Variants in TRAPPC9 observed in about 807,000 individuals in gnomAD.
The protein encoded by TRAPPC9 is IKK2 binding protein.
TRAPPC9 carries 83 observed loss-of-function variants against 124.0 expected under a neutral mutation model. The observed-to-expected ratio is 0.67, with a 90% CI of 0.56 to 0.80. The LOEUF is 0.80. Ranked by LOEUF, TRAPPC9 falls within the 30% of genes least tolerant of loss-of-function variation. TRAPPC9 has a pLI of 0.00. For missense variants in TRAPPC9, 1,302 were observed against 1,508.3 expected (o/e 0.86, Z 2.27); for synonymous variants, 638 against 617.5 (o/e 1.03, Z -0.49).
intron 14 of TRAPPC9, among the ~76,000 whole-genome samples, chr8:140,281,548 T>C (rs890974990): frequency 1.3e-5 from 2 of 152,246 alleles, no homozygotes; most frequent in African/African-American, 4.8e-5. Flanking sequence ...TCTTCCAGTC[T>C]GTAACTTTCA....
At position 139,862,849 on chromosome 8, in the gene TRAPPC9, C is replaced by T. The variant is rs562184974; in HGVS notation, c.3055+23030G>A. The stretch of plus-strand genomic sequence containing the variant: ...AGGGCACTGCATTCCCCCTGGGTGC[C>T]GTGTCCTTCCCACAGCCTAGGTCAT... On this transcript the variant is annotated intron_variant, in intron 21 of 22. Transcript: ENST00000438773. Among the ~76,000 whole-genome samples, 3 of 152,334 alleles carry T rather than the reference C, an allele frequency of 2.0e-5. No individual in the cohort carries two copies. The East Asian group carries it at 5.8e-4, about 29-fold the overall frequency.
At chr8:140,239,447 G>A (rs1175480421) in intron 16 of TRAPPC9, among the ~76,000 whole-genome samples, 1 of 152,190 alleles carries the variant, frequency 6.6e-6, no homozygotes, top group Non-Finnish European at 1.5e-5. Flanking sequence ...AAGAGTATTG[G>A]GGGAGGATGC....
chr8:140,265,883 C>T (rs2064634963), intron 15 of TRAPPC9, among the ~76,000 whole-genome samples: 1 of 152,112 alleles, frequency 6.6e-6, no homozygotes, highest in African/African-American at 2.4e-5. Context: ...GAGAATCTCG[C>T]CTCAAAACAT....
intron 5 of TRAPPC9, among the ~76,000 whole-genome samples, chr8:140,411,277 A>G (rs1183679287): frequency 6.6e-6 from 1 of 152,270 alleles, no homozygotes; most frequent in Admixed American, 6.5e-5. Flanking sequence ...AAAAGAAACT[A>G]AAACTCCTTA....
intron 17 of TRAPPC9, among the ~76,000 whole-genome samples, chr8:140,189,826 A>T (rs1003566471): frequency 6.6e-6 from 1 of 152,028 alleles, no homozygotes. Flanking sequence ...AGCTCTCTCT[A>T]TGGTCTTATC....
chr8:140,434,661 G>C (rs2070749661), intron 4 of TRAPPC9, among the ~76,000 whole-genome samples: 2 of 152,134 alleles, frequency 1.3e-5, no homozygotes, highest in Admixed American at 1.3e-4. Context: ...AATAAAATCA[G>C]AACAAAATGT....
chr8:139,796,220 C>T (rs191615254), intron 21 of TRAPPC9, among the ~76,000 whole-genome samples: 111 of 152,222 alleles, frequency 7.3e-4, no homozygotes, highest in African/African-American at 2.4e-3. Flanking sequence ...GGCTTCCCTT[C>T]GGCGCTGTTC....
intron 16 of TRAPPC9, among the ~76,000 whole-genome samples, chr8:140,249,597 C>CTTTTTTTTTTTTTTTTTTT (rs35511380): frequency 1.2e-5 from 1 of 81,962 alleles, no homozygotes; most frequent in Non-Finnish European, 2.1e-5. Context: ...ATCTTTCACT[C>CTTTTTTTTTTTTTTTTTTT]TTTTTTTTTT....
intron 17 of TRAPPC9, among the ~76,000 whole-genome samples, chr8:140,175,851 A>G (rs1373785617): frequency 6.6e-6 from 1 of 152,254 alleles, no homozygotes; most frequent in African/African-American, 2.4e-5. Context: ...AATGCAAAAC[A>G]TCTACAACTA....
chr8:139,739,185 G>T (rs1212988677), intron 21 of TRAPPC9, among the ~76,000 whole-genome samples: 1 of 151,934 alleles, frequency 6.6e-6, no homozygotes, highest in Admixed American at 6.6e-5. Context: ...CCAGTAGAGT[G>T]GCTCCACCAC....
chr8:140,198,941 T>G (rs2062724042), intron 17 of TRAPPC9, among the ~76,000 whole-genome samples: 1 of 151,966 alleles, frequency 6.6e-6, no homozygotes, highest in South Asian at 2.1e-4. Context: ...GACACCACAG[T>G]GAGACGGAAA....
chr8:139,987,496 T>C (rs184289844), intron 19 of TRAPPC9, among the ~76,000 whole-genome samples: 89 of 152,110 alleles, frequency 5.9e-4, no homozygotes, highest in African/African-American at 2.0e-3. Flanking sequence ...ATAATGTTAA[T>C]GTTGCTATTT....
intron 17 of TRAPPC9, among the ~76,000 whole-genome samples, chr8:140,033,708 G>A (rs1210107633): frequency 1.2e-5 from 1 of 86,322 alleles, no homozygotes; most frequent in Non-Finnish European, 2.2e-5. Context: ...TTGAGACAGA[G>A]TCTCGCTCTG....
At chr8:139,749,412 A>G (rs1819165380) in intron 21 of TRAPPC9, among the ~76,000 whole-genome samples, 1 of 152,216 alleles carries the variant, frequency 6.6e-6, no homozygotes, top group African/African-American at 2.4e-5. Context: ...TCTGAGCCTC[A>G]GCGTCCCCAT....
At chr8:139,947,916 A>AGAGAGC (rs1428973168) in intron 19 of TRAPPC9, among the ~76,000 whole-genome samples, 1 of 39,912 alleles carries the variant, frequency 2.5e-5, no homozygotes, top group African/African-American at 9.9e-5. Flanking sequence ...ATAGAGAGAG[A>AGAGAGC]GAGAGAGCGA....
intron 17 of TRAPPC9, among the ~76,000 whole-genome samples, chr8:140,210,013 G>T (rs1563848207): frequency 6.6e-6 from 1 of 152,238 alleles, no homozygotes. Context: ...CCACTTGAAT[G>T]ATGGGAAGTT....
intron 3 of TRAPPC9, among the ~76,000 whole-genome samples, chr8:140,438,240 T>C (rs1008339383): frequency 9.9e-5 from 15 of 152,190 alleles, no homozygotes; most frequent in Non-Finnish European, 1.3e-4. Context: ...CCACTTCATA[T>C]ATATAGAATC....
intron 17 of TRAPPC9, among the ~76,000 whole-genome samples, chr8:140,062,067 A>G (rs1417539508): frequency 6.6e-6 from 1 of 152,182 alleles, no homozygotes; most frequent in Non-Finnish European, 1.5e-5. Context: ...GCCTCCCTGC[A>G]GTTCACCCTT....
At chr8:139,807,371 A>G (rs1480866148) in intron 21 of TRAPPC9, among the ~76,000 whole-genome samples, 1 of 152,192 alleles carries the variant, frequency 6.6e-6, no homozygotes, top group Non-Finnish European at 1.5e-5. Context: ...CAAAGCGGAC[A>G]GCTGGCAGCC....
Sources: allele counts gnomAD v4.1 joint callset (sites outside exome capture counted in the v4.1 genomes callset), GRCh38; gene constraint gnomAD v4.1.1; transcripts MANE v1.5; gene names NCBI Gene and HGNC (gene_info 2026-07-23, HGNC 2026-07-21).